The following FLRT1 variants were observed in gnomAD, a reference collection of about 807,000 sequenced individuals.
The protein encoded by FLRT1 is fibronectin leucine rich transmembrane protein 1.
In FLRT1, 14 loss-of-function variants were observed where a neutral mutation model predicts 30.9. The ratio of observed to expected loss-of-function variants is 0.45; its 90% CI spans 0.30 to 0.71. The LOEUF (loss-of-function observed/expected upper bound fraction) is 0.71, where lower values mean the gene tolerates loss of function less well. Among genes scored for constraint, FLRT1 ranks in the 30% least tolerant of loss-of-function variants. The probability of loss-of-function intolerance (pLI) is 0.08; values close to 1 mark genes in which losing one functional copy is unlikely to be tolerated. For missense variants in FLRT1, 737 were observed against 949.2 expected, an observed-to-expected ratio of 0.78 and a Z score of 2.94; for synonymous variants, 368 against 430.4, an observed-to-expected ratio of 0.85 and a Z score of 1.80.
intron 1 of FLRT1, among the ~76,000 whole-genome samples, chr11:64,045,582 C>G (rs1477304586): frequency 6.6e-6 from 1 of 152,090 alleles, no homozygotes; most frequent in Non-Finnish European, 1.5e-5. Flanking sequence ...GAGGGTCTGC[C>G]GAGGGAGCAG....
At chr11:64,053,706 C>A (rs963252163) in intron 1 of FLRT1, among the ~76,000 whole-genome samples, 27 of 152,174 alleles carry the variant, frequency 1.8e-4, no homozygotes, top group African/African-American at 6.5e-4. Flanking sequence ...GGGCCTGGAG[C>A]CCCTACTTTC....
chr11:64,111,199 G>C (rs1416196553), intron 2 of FLRT1, among the ~76,000 whole-genome samples: 1 of 152,192 alleles, frequency 6.6e-6, no homozygotes, highest in Non-Finnish European at 1.5e-5. Flanking sequence ...CCTTGGCTTT[G>C]GCCTTAACAA....
intron 1 of FLRT1, among the ~76,000 whole-genome samples, chr11:64,092,157 G>A (rs1944502379): frequency 6.6e-6 from 1 of 152,344 alleles, no homozygotes; most frequent in Admixed American, 6.5e-5. Context: ...GGCATCCCGA[G>A]TGGGTGGAGT....
At chr11:64,095,536 T>G (rs1944560935) in intron 1 of FLRT1, among the ~76,000 whole-genome samples, 1 of 152,124 alleles carries the variant, frequency 6.6e-6, no homozygotes, top group South Asian at 2.1e-4. Context: ...CACCTGTCCC[T>G]GGGGGCTGGA....
At chr11:64,073,594 C>T (rs1330184201) in intron 1 of FLRT1, among the ~76,000 whole-genome samples, 1 of 152,240 alleles carries the variant, frequency 6.6e-6, no homozygotes, top group African/African-American at 2.4e-5. Flanking sequence ...TGGCCTGGCC[C>T]AGGTACGGCA....
intron 1 of FLRT1, among the ~76,000 whole-genome samples, chr11:64,049,217 A>C (rs536452529): frequency 9.8e-4 from 149 of 152,292 alleles, no homozygotes; most frequent in African/African-American, 3.2e-3. Flanking sequence ...AAGGACCCCC[A>C]GAGACCACTG....
At chr11:64,116,017 T>A (rs962807716) in intron 2 of FLRT1, among the ~76,000 whole-genome samples, 8 of 152,184 alleles carry the variant, frequency 5.3e-5, no homozygotes, top group African/African-American at 1.7e-4. Context: ...CCAGATGTTG[T>A]TAGAGTCCGA....
At chr11:64,102,372 C>T (rs1944686078) in intron 1 of FLRT1, among the ~76,000 whole-genome samples, 2 of 151,614 alleles carry the variant, frequency 1.3e-5, no homozygotes, top group South Asian at 4.2e-4. Context: ...TGACCCCCCA[C>T]CTAGGAAGTG....
intron 1 of FLRT1, among the ~76,000 whole-genome samples, chr11:64,084,145 G>A (rs1462197680): frequency 6.6e-6 from 1 of 152,322 alleles, no homozygotes; most frequent in African/African-American, 2.4e-5. Context: ...CTGTACATGA[G>A]TGCATGGCAC....
At chr11:64,106,136 CAGCTGAGAT>C (rs1944758995) in intron 2 of FLRT1, among the ~76,000 whole-genome samples, 2 of 152,096 alleles carry the variant, frequency 1.3e-5, no homozygotes, top group Admixed American at 6.5e-5. Context: ...TCCCGCTGGG[CAGCTGAGAT>C]AGGCGGTAGG....
intron 2 of FLRT1, among the ~76,000 whole-genome samples, chr11:64,108,366 C>T (rs544617694): frequency 6.6e-6 from 1 of 151,798 alleles, no homozygotes; most frequent in East Asian, 1.9e-4. Context: ...GTAGGCTGAG[C>T]AGCTTGGTTG....
chr11:64,053,341 C>T (rs973179950), intron 1 of FLRT1, among the ~76,000 whole-genome samples: 1 of 152,198 alleles, frequency 6.6e-6, no homozygotes, highest in Admixed American at 6.5e-5. Context: ...TTTAATGAAG[C>T]AGATTAAGCA....
At chr11:64,085,729 A>G (rs1944382365) in intron 1 of FLRT1, among the ~76,000 whole-genome samples, 1 of 152,158 alleles carries the variant, frequency 6.6e-6, no homozygotes, top group Admixed American at 6.5e-5. Context: ...CCCAGGAGGA[A>G]GTTCAGTGTT....
At chr11:64,105,976 T>C (rs111349830) in intron 2 of FLRT1, among the ~76,000 whole-genome samples, 1,618 of 6,528 alleles carry the variant, frequency 0.25, 29 homozygotes, top group African/African-American at 0.4. Flanking sequence ...ATCTGTGGGG[T>C]GGGCGGGAGG....
chr11:64,073,005 C>T (rs1944137009), intron 1 of FLRT1, among the ~76,000 whole-genome samples: 2 of 152,148 alleles, frequency 1.3e-5, no homozygotes, highest in African/African-American at 4.8e-5. Context: ...AGAGAGGGGT[C>T]GGGACCCACC....
chr11:64,079,364 T>C (rs1408174337), intron 1 of FLRT1, among the ~76,000 whole-genome samples: 2 of 150,794 alleles, frequency 1.3e-5, no homozygotes, highest in Admixed American at 6.6e-5. Flanking sequence ...GGGAGACAGA[T>C]TTGGAGCAAG....
chr11:64,113,410 G>T (rs1362672493), intron 2 of FLRT1, among the ~76,000 whole-genome samples: 2 of 128,174 alleles, frequency 1.6e-5, no homozygotes, highest in African/African-American at 5.2e-5. Flanking sequence ...GAATGGACAG[G>T]TTGATGCATG....
intron 1 of FLRT1, among the ~76,000 whole-genome samples, chr11:64,053,710 TA>T (rs1223006103): frequency 6.6e-6 from 1 of 151,930 alleles, no homozygotes; most frequent in Non-Finnish European, 1.5e-5. Flanking sequence ...CTGGAGCCCC[TA>T]CTTTCTCCTT....
chr11:64,101,489 C>T (rs942318331), intron 1 of FLRT1, among the ~76,000 whole-genome samples: 3 of 152,140 alleles, frequency 2.0e-5, no homozygotes, highest in African/African-American at 4.8e-5. Context: ...TCCCAGGACA[C>T]GGCAATCATC....
Sources: allele counts gnomAD v4.1 joint callset (sites outside exome capture counted in the v4.1 genomes callset), GRCh38; gene constraint gnomAD v4.1.1; transcripts MANE v1.5; gene names NCBI Gene and HGNC (gene_info 2026-07-23, HGNC 2026-07-21).